The following FAM120A variants were observed in gnomAD, a reference collection of about 807,000 sequenced individuals.
The protein encoded by FAM120A is family with sequence similarity 120 member A.
FAM120A carries 15 observed loss-of-function variants against 109.7 expected under a neutral mutation model. That is an observed-to-expected ratio of 0.14 (90% confidence interval 0.09 to 0.21). FAM120A has a LOEUF of 0.21. Among genes scored for constraint, FAM120A ranks in the 10% least tolerant of loss-of-function variants. The pLI is 1.00. For synonymous variants in FAM120A, 493 were observed against 572.8 expected, an observed-to-expected ratio of 0.86 and a Z score of 1.99; for missense variants, 899 against 1,439.3, an observed-to-expected ratio of 0.62 and a Z score of 6.07.
chr9:93,479,153 C>T (rs1407166832), intron 3 of FAM120A, among the ~76,000 whole-genome samples: 3 of 127,658 alleles, frequency 2.4e-5, no homozygotes, highest in Non-Finnish European at 4.6e-5. Context: ...GGCTGGAGTG[C>T]AGTGGCGGGA....
intron 1 of FAM120A, among the ~76,000 whole-genome samples, chr9:93,453,894 G>A (rs1480219861): frequency 6.6e-6 from 1 of 152,234 alleles, no homozygotes; most frequent in African/African-American, 2.4e-5. Context: ...AGGATGAGCT[G>A]CACTGACTTG....
chr9:93,507,136 A>T (rs1009780270), intron 5 of FAM120A, among the ~76,000 whole-genome samples: 1 of 152,132 alleles, frequency 6.6e-6, no homozygotes, highest in Non-Finnish European at 1.5e-5. Flanking sequence ...AAGGGCAGGT[A>T]TAGGGAAAGG....
chr9:93,451,696 A>AGCG lies in FAM120A; in HGVS notation c.-214_-212dup. The AGCG allele has an allele frequency of 1.0e-6, 1 of 964,796 alleles. No homozygotes were observed. The highest frequency in any genetic ancestry group is 1.2e-6 in the Non-Finnish European group (1 of 825,652). The allele number at this position is 964,796 out of a possible 1,614,324, so 59.8% of individuals were successfully genotyped here. A position where few individuals can be genotyped will look rare whatever the true frequency, so the allele number is the denominator to read the frequency against. ...GCCTCGGCCTCGGCCTCGGCCTCGC[A>AGCG]GCGGCGGCAGCGGCGGCGGCGGCAG... On this transcript the variant is annotated 5_prime_UTR_variant, in exon 1 of 18. Transcript: ENST00000277165.
chr9:93,480,723 G>A (rs1741917588), intron 3 of FAM120A, among the ~76,000 whole-genome samples: 2 of 152,032 alleles, frequency 1.3e-5, no homozygotes, highest in South Asian at 2.1e-4. Context: ...TTTCTTAAAA[G>A]GGTCATATCT....
intron 9 of FAM120A, chr9:93,531,320 G>A (rs1861321430): frequency 6.6e-6 from 1 of 152,202 alleles, no homozygotes; most frequent in African/African-American, 2.4e-5. Flanking sequence ...ATTATTTAAA[G>A]CATATATATC....
intron 7 of FAM120A, among the ~76,000 whole-genome samples, chr9:93,518,477 A>G (rs949078774): frequency 1.3e-5 from 2 of 152,244 alleles, no homozygotes; most frequent in African/African-American, 4.8e-5. Flanking sequence ...CCCGGGACCT[A>G]CGTTGCCTTT....
chr9:93,495,641 C>T (rs1057486471), intron 3 of FAM120A, among the ~76,000 whole-genome samples: 2 of 152,204 alleles, frequency 1.3e-5, no homozygotes, highest in Non-Finnish European at 2.9e-5. Context: ...ATCAAAAATA[C>T]TTTCAAATGC....
chr9:93,524,126 G>A (rs1267706767), intron 7 of FAM120A, among the ~76,000 whole-genome samples: 1 of 152,222 alleles, frequency 6.6e-6, no homozygotes, highest in East Asian at 1.9e-4. Context: ...AGATAGAAAT[G>A]AAAAATTTAC....
At position 93,498,738 on chromosome 9, in the gene FAM120A, C is replaced by A; in HGVS notation, c.934-52C>A. 1.0e-6 allele frequency: 1 copy of A among 997,938 alleles called. No individual in the cohort carries two copies. The highest frequency in any genetic ancestry group is 1.6e-6 in the Non-Finnish European group (1 of 618,740). 61.8% of individuals were successfully genotyped at this position (997,938 alleles called of 1,614,324 possible). A position where few individuals can be genotyped will look rare whatever the true frequency, so the allele number is the denominator to read the frequency against. The stretch of plus-strand genomic sequence containing the variant: ...CTGAATTATAAAAAACATTGTGATA[C>A]ACATGACCAGTGGCACACTAATTTA... On this transcript the variant is annotated intron_variant, in intron 4 of 17. Coordinates refer to ENST00000277165, the MANE Select transcript of FAM120A (RefSeq NM_014612.5). This position sits in a 1 kb window ranked among gnomAD's most constrained non-coding sequence, Gnocchi z 4.4.
chr9:93,499,476 T>TGGGGTTTCA (rs1413967784), intron 5 of FAM120A, among the ~76,000 whole-genome samples: 2 of 151,792 alleles, frequency 1.3e-5, no homozygotes, highest in African/African-American at 4.8e-5. Context: ...TTAGTAGAGA[T>TGGGGTTTCA]GGGGTTTCAC....
At chr9:93,535,926 A>G (rs1026984967) in intron 10 of FAM120A, among the ~76,000 whole-genome samples, 1 of 152,232 alleles carries the variant, frequency 6.6e-6, no homozygotes, top group Non-Finnish European at 1.5e-5. Flanking sequence ...TAACCTGTTT[A>G]TTAGATTTTA....
chr9:93,534,631 C>G (rs1191618085), intron 10 of FAM120A, among the ~76,000 whole-genome samples: 1 of 152,150 alleles, frequency 6.6e-6, no homozygotes, highest in South Asian at 2.1e-4. Context: ...CTCCTCTTCT[C>G]CTTCTTTTTA....
rs748501253 is a variant in FAM120A at position 93,452,658 on chromosome 9, A to G, written c.474+269A>G. On this transcript the variant is annotated intron_variant, in intron 1 of 17. Coordinates refer to ENST00000277165, the MANE Select transcript of FAM120A (RefSeq NM_014612.5). The surrounding 1 kb of genome is among the most constrained non-coding windows in gnomAD (Gnocchi z 7.0). ...GAGGGCTGGGAGAGAGCCCCGGACCAGAATTCGGAGGCGACAGTGTCATCA... is the reference window on the plus strand; with the variant it reads ...GAGGGCTGGGAGAGAGCCCCGGACCGGAATTCGGAGGCGACAGTGTCATCA... 1.9e-6 allele frequency: 3 copies of G among 1,598,896 alleles called. No homozygotes were observed. The highest frequency in any genetic ancestry group is 2.7e-5 in the African/African-American group (2 of 74,940).
intron 15 of FAM120A, among the ~76,000 whole-genome samples, chr9:93,559,506 T>C (rs780903462): frequency 6.6e-6 from 1 of 152,252 alleles, no homozygotes; most frequent in Non-Finnish European, 1.5e-5. Context: ...AAGGGAACTG[T>C]GCGGAAAGGT....
At chr9:93,472,069 G>T (rs1858335756) in intron 2 of FAM120A, among the ~76,000 whole-genome samples, 2 of 152,132 alleles carry the variant, frequency 1.3e-5, no homozygotes, top group African/African-American at 4.8e-5. Context: ...AGACCAGCCT[G>T]GCCAACATGG....
intron 3 of FAM120A, among the ~76,000 whole-genome samples, chr9:93,487,762 A>G (rs1859128254): frequency 6.6e-6 from 1 of 152,212 alleles, no homozygotes; most frequent in Admixed American, 6.5e-5. Context: ...ACAGTATTGG[A>G]GGCATGTGTT....
At chr9:93,455,491 A>G (rs1443721389) in intron 1 of FAM120A, among the ~76,000 whole-genome samples, 1 of 152,204 alleles carries the variant, frequency 6.6e-6, no homozygotes, top group Non-Finnish European at 1.5e-5. Context: ...ATCATATGAT[A>G]ATTTTTTTAA....
At position 93,498,318 on chromosome 9, in the gene FAM120A, G is replaced by A. The variant is rs144141419; in HGVS notation, c.934-472G>A. Among the ~76,000 whole-genome samples, 147 of 152,324 alleles carry A rather than the reference G, an allele frequency of 9.7e-4. 2 individuals carry two copies. The highest frequency in any genetic ancestry group is 4.2e-3 in the East Asian group (22 of 5,182). ...TGAGGCAGGAGAATCGCTTGAAACC[G>A]TAAGGCAGAGGCTGCAGTGAGCGGA... On this transcript the variant is annotated intron_variant, in intron 4 of 17. Transcript: ENST00000277165. This position sits in a 1 kb window ranked among gnomAD's most constrained non-coding sequence, Gnocchi z 4.4.
At chr9:93,539,287 G>A (rs1451295467) in intron 10 of FAM120A, among the ~76,000 whole-genome samples, 4 of 151,844 alleles carry the variant, frequency 2.6e-5, no homozygotes, top group Non-Finnish European at 5.9e-5. Context: ...GTGAGCCACC[G>A]CGCCTGGCCG....
Sources: gnomAD v4.1 joint callset for allele counts (sites outside exome capture counted in the v4.1 genomes callset) on GRCh38, gnomAD v4.1.1 for gene constraint, Gnocchi (gnomAD v3.1) non-coding constraint, MANE v1.5 for transcripts, NCBI Gene and HGNC (gene_info 2026-07-23, HGNC 2026-07-21) for gene names.